Variants in PITPNB observed in about 807,000 individuals in gnomAD.
PITPNB encodes the protein phosphatidylinositol transfer protein beta isoform.
Under a neutral mutation model 45.9 loss-of-function variants are expected in PITPNB, and 16 were observed. The ratio of observed to expected loss-of-function variants is 0.35; its 90% CI spans 0.24 to 0.53. The LOEUF (loss-of-function observed/expected upper bound fraction) is 0.53, where lower values mean the gene tolerates loss of function less well. Among genes scored for constraint, PITPNB ranks in the 20% least tolerant of loss-of-function variants. The probability of loss-of-function intolerance (pLI) is 0.93; values close to 1 mark genes in which losing one functional copy is unlikely to be tolerated. For missense variants in PITPNB, 188 were observed against 330.5 expected, an observed-to-expected ratio of 0.57 and a Z score of 3.34; for synonymous variants, 112 against 108.9, an observed-to-expected ratio of 1.03 and a Z score of -0.18.
At chr22:27,872,081 G>GT (rs58288724) in intron 8 of PITPNB, among the ~76,000 whole-genome samples, 8,101 of 64,390 alleles carry the variant, frequency 0.13, 1,627 homozygotes, top group Non-Finnish European at 0.18. Flanking sequence ...ATTAAGCCTG[G>GT]TTTTTTTTTT....
At chr22:27,890,186 C>A (rs1293215319) in intron 7 of PITPNB, among the ~76,000 whole-genome samples, 1 of 152,044 alleles carries the variant, frequency 6.6e-6, no homozygotes, top group Non-Finnish European at 1.5e-5. Context: ...CTGGTCCTAG[C>A]TCTCCTGCCA....
At position 27,852,025 on chromosome 22, in the gene PITPNB, G is replaced by C. The variant is rs1242050873; in HGVS notation, c.*1677C>G. ...AACAGTGCCCAGAGAGTAAACATCA[G>C]TCTTTATCCTGAGTACACAAAGGAT... On this transcript the variant is annotated 3_prime_UTR_variant, in exon 12 of 12. Coordinates refer to ENST00000335272, the MANE Select transcript of PITPNB (RefSeq NM_012399.5). 6.6e-6 allele frequency: 1 copy of C among 152,198 alleles called. No individual in the cohort carries two copies. The highest frequency in any genetic ancestry group is 2.4e-5 in the African/African-American group (1 of 41,444). The allele number at this position is 152,198 out of a possible 1,614,324, so 9.4% of individuals were successfully genotyped here.
intron 7 of PITPNB, among the ~76,000 whole-genome samples, chr22:27,889,126 G>A (rs1935203140): frequency 6.6e-6 from 1 of 152,206 alleles, no homozygotes; most frequent in African/African-American, 2.4e-5. Flanking sequence ...AGAGGGAACA[G>A]GAAGGAACTC....
At chr22:27,875,986 A>G (rs920165700) in intron 7 of PITPNB, among the ~76,000 whole-genome samples, 9 of 152,218 alleles carry the variant, frequency 5.9e-5, no homozygotes, top group African/African-American at 2.2e-4. Context: ...TGAATTTTAA[A>G]ATCATGTTTA....
intron 3 of PITPNB, among the ~76,000 whole-genome samples, chr22:27,898,306 T>C (rs1033817712): frequency 8.8e-4 from 133 of 151,670 alleles, no homozygotes; most frequent in African/African-American, 3.1e-3. Flanking sequence ...ACCTGGGAGA[T>C]AGAGGTTGCA....
intron 7 of PITPNB, among the ~76,000 whole-genome samples, chr22:27,885,687 A>C: frequency 6.6e-6 from 1 of 152,152 alleles, no homozygotes; most frequent in Non-Finnish European, 1.5e-5. Context: ...AATTTTTAGA[A>C]TTTAAGGCAT....
intron 7 of PITPNB, among the ~76,000 whole-genome samples, chr22:27,882,802 T>C (rs1189743392): frequency 1.3e-5 from 2 of 152,206 alleles, no homozygotes; most frequent in Non-Finnish European, 2.9e-5. Flanking sequence ...CAACCAACAG[T>C]TGGAACTTGT....
chr22:27,906,252 A>C (rs1179337130), intron 3 of PITPNB, among the ~76,000 whole-genome samples: 2 of 152,206 alleles, frequency 1.3e-5, no homozygotes, highest in Non-Finnish European at 2.9e-5. Flanking sequence ...AAGACAGCAG[A>C]GACTGGATTG....
intron 7 of PITPNB, among the ~76,000 whole-genome samples, chr22:27,876,185 T>G (rs767819856): frequency 1.6e-4 from 25 of 152,212 alleles, no homozygotes; most frequent in Non-Finnish European, 3.1e-4. Flanking sequence ...CTGGTACACC[T>G]CACAGGATGA....
chr22:27,896,810 T>C (rs1432315689), intron 5 of PITPNB, 184 bp from the exon 6 acceptor site: 5 of 608,624 alleles, frequency 8.2e-6, no homozygotes, highest in Non-Finnish European at 1.5e-5. Context: ...AAATGCTACA[T>C]GCTTTTAAAT....
intron 6 of PITPNB, among the ~76,000 whole-genome samples, chr22:27,894,948 C>T (rs1418196828): frequency 6.6e-6 from 1 of 152,158 alleles, no homozygotes; most frequent in African/African-American, 2.4e-5. Flanking sequence ...TATGCTTAAT[C>T]CAAATGATAC....
At position 27,888,002 on chromosome 22, in the gene PITPNB, C is replaced by G. The variant is rs144835298; in HGVS notation, c.456+6553G>C. Among the ~76,000 whole-genome samples, 1,035 of 152,350 alleles carry G rather than the reference C, an allele frequency of 6.8e-3. 7 individuals are homozygous for G. Among genetic ancestry groups the G allele is most frequent in the African/African-American group, 0.023 (940 of 41,582 alleles). On this transcript the variant is annotated intron_variant, in intron 7 of 11. Transcript: ENST00000335272. ...CACACATCTCTGTCAGACCTCAACT[C>G]TTCCATCCCATTCCTGTCCTAAGGG...
intron 3 of PITPNB, among the ~76,000 whole-genome samples, chr22:27,898,409 T>TTG (rs1013159265): frequency 6.1e-4 from 92 of 150,896 alleles, no homozygotes; most frequent in African/African-American, 1.4e-3. Context: ...ATAAAAGGTT[T>TTG]TGTGTGTGTG....
rs778022753 is a variant in PITPNB, at chr22:27,919,203, C to T, written c.-12G>A. ...TTGATCAGCACCATCTTCCCGGAAC[C>T]CCCTCACAGCTGCCGCCGATACCAC... On this transcript the variant is annotated 5_prime_UTR_variant, in exon 1 of 12. Transcript: ENST00000335272. 5 of 1,612,198 alleles carry T rather than the reference C, an allele frequency of 3.1e-6. No individual in the cohort carries two copies. The highest frequency in any genetic ancestry group is 1.3e-5 in the African/African-American group (1 of 74,904).
chr22:27,854,312 A>G lies in PITPNB; in HGVS notation c.*38+542T>C, dbSNP rs1325113023. On this transcript the variant is annotated intron_variant, in intron 11 of 11. Transcript: ENST00000335272. ...GTGTTAGAGAAATAAGACCACAAAAATGGTTCACACCATAAATTAAAACTA... is the reference window on the plus strand; with the variant it reads ...GTGTTAGAGAAATAAGACCACAAAAGTGGTTCACACCATAAATTAAAACTA... 5.3e-5 allele frequency among the ~76,000 whole-genome samples: 8 copies of G among 152,298 alleles called. No individual in the cohort carries two copies. The South Asian group carries it at 1.5e-3, about 28-fold the overall frequency.
At chr22:27,862,021 C>T (rs1371063065) in intron 8 of PITPNB, among the ~76,000 whole-genome samples, 1 of 152,188 alleles carries the variant, frequency 6.6e-6, no homozygotes, top group East Asian at 1.9e-4. Context: ...AAAGCTGCCT[C>T]TCCCACGGGC....
chr22:27,910,049 CA>C (rs1032596760), intron 3 of PITPNB, among the ~76,000 whole-genome samples: 2 of 150,280 alleles, frequency 1.3e-5, no homozygotes, highest in African/African-American at 4.9e-5. Context: ...CTCCTCGGTT[CA>C]AAAGATCCTG....
Position 27,890,217 on chromosome 22 carries a change from C to T in PITPNB, c.456+4338G>A, listed in dbSNP as rs543864126. Reference sequence around the variant, plus strand: ...TGCCACCACCCATACCTGCCTTCAACACCGCCCACCCCCACACCCTCCATC... The same window carrying T: ...TGCCACCACCCATACCTGCCTTCAATACCGCCCACCCCCACACCCTCCATC... On this transcript the variant is annotated intron_variant, in intron 7 of 11. Transcript: ENST00000335272. 9.8e-4 allele frequency among the ~76,000 whole-genome samples: 149 copies of T among 152,198 alleles called. 1 individual carries two copies. Among genetic ancestry groups the T allele is most frequent in the African/African-American group, 3.4e-3 (142 of 41,528 alleles).
intron 7 of PITPNB, among the ~76,000 whole-genome samples, chr22:27,885,161 T>C (rs1935081817): frequency 8.1e-6 from 1 of 123,956 alleles, no homozygotes; most frequent in East Asian, 2.5e-4. Flanking sequence ...GGAAAGCTAC[T>C]TAGACAAAGT....
Sources: gnomAD v4.1 joint callset for allele counts (sites outside exome capture counted in the v4.1 genomes callset) on GRCh38, gnomAD v4.1.1 for gene constraint, MANE v1.5 for transcripts, NCBI Gene and HGNC (gene_info 2026-07-23, HGNC 2026-07-21) for gene names.